The following NAV1 variants were observed in gnomAD, a reference collection of about 807,000 sequenced individuals.
The protein encoded by NAV1 is pore membrane and/or filament interacting like protein 3.
NAV1 carries 18 observed loss-of-function variants against 175.2 expected under a neutral mutation model. That is an observed-to-expected ratio of 0.10 (90% confidence interval 0.07 to 0.15). NAV1 has a LOEUF of 0.15. Ranked by LOEUF, NAV1 falls within the 10% of genes least tolerant of loss-of-function variation. The pLI is 1.00. For synonymous variants in NAV1, 897 were observed against 978.7 expected (o/e 0.92, Z 1.56); for missense variants, 1,731 against 2,436.6 (o/e 0.71, Z 6.10).
intron 1 of NAV1, among the ~76,000 whole-genome samples, chr1:201,579,154 T>C (rs1011140496): frequency 6.6e-6 from 1 of 151,836 alleles, no homozygotes; most frequent in African/African-American, 2.4e-5. Context: ...AAATGTTCTG[T>C]CTTTCTGGGC....
intron 2 of NAV1, among the ~76,000 whole-genome samples, chr1:201,597,666 G>A (rs988274881): frequency 6.6e-6 from 1 of 152,224 alleles, no homozygotes; most frequent in East Asian, 1.9e-4. Context: ...AAGCTGGGAG[G>A]ACCTGAGGCA....
intron 3 of NAV1, among the ~76,000 whole-genome samples, chr1:201,742,321 A>G (rs1208652214): frequency 6.6e-6 from 1 of 152,168 alleles, no homozygotes; most frequent in Non-Finnish European, 1.5e-5. Context: ...ATGTGAGGGT[A>G]TTTGGGTGAA....
At chr1:201,588,593 T>G (rs570104660) in exon 2 of NAV1, among the ~76,000 whole-genome samples, 48 of 150,850 alleles carry the variant, frequency 3.2e-4, no homozygotes, top group Non-Finnish European at 5.2e-4. Flanking sequence ...CCTCAAGTGA[T>G]CCTCCCACCT....
rs142059764 is a variant in NAV1, at chr1:201,805,366, A to G, written c.3648+869A>G. On this transcript the variant is annotated intron_variant, in intron 17 of 29. Coordinates refer to ENST00000367296, the Ensembl canonical transcript of NAV1. ...ACAGTGATTACTATAGGCAGGGAAG[A>G]CTTCTCAAAGGAGGTAAAAGTTAAA... Among the ~76,000 whole-genome samples the G allele has an allele frequency of 5.9e-5, 9 of 152,300 alleles. No homozygotes were observed. In the East Asian group the frequency reaches 1.7e-3, roughly 29 times the overall value.
intron 2 of NAV1, among the ~76,000 whole-genome samples, chr1:201,637,446 G>A (rs928739022): frequency 3.3e-5 from 5 of 152,170 alleles, no homozygotes; most frequent in Middle Eastern, 3.2e-3. Context: ...AGATTAAGAA[G>A]TTCTGTTCTA....
intron 2 of NAV1, among the ~76,000 whole-genome samples, chr1:201,616,403 G>T (rs1204910019): frequency 1.3e-5 from 2 of 151,990 alleles, no homozygotes; most frequent in Non-Finnish European, 2.9e-5. Flanking sequence ...CAACCTGACT[G>T]CTCTTCCTAA....
chr1:201,780,381 T>G (rs778719560), intron 3 of NAV1, 40 bp from the exon 8 acceptor site: 9 of 1,610,530 alleles, frequency 5.6e-6, no homozygotes, highest in Non-Finnish European at 7.6e-6. Flanking sequence ...TGCCTGGGCT[T>G]CTGTTTTAAC....
intron 3 of NAV1, among the ~76,000 whole-genome samples, chr1:201,767,764 T>C (rs1287467773): frequency 6.6e-6 from 1 of 152,198 alleles, no homozygotes; most frequent in Non-Finnish European, 1.5e-5. Context: ...CATCACTTGC[T>C]AATTTTCTCA....
At chr1:201,824,391 G>T (rs1434662311) in exon 30 of NAV1, 1 of 152,078 alleles carries the variant, frequency 6.6e-6, no homozygotes, top group Non-Finnish European at 1.5e-5. Context: ...AAAGCCTGAA[G>T]ATATTGCCCC....
intron 1 of NAV1, among the ~76,000 whole-genome samples, chr1:201,680,887 C>T (rs978295132): frequency 3.3e-5 from 5 of 152,176 alleles, no homozygotes; most frequent in South Asian, 4.1e-4. Flanking sequence ...GTGATCGCAA[C>T]GCCACACTTC....
chr1:201,550,905 C>T (rs1320684348), intron 1 of NAV1, among the ~76,000 whole-genome samples: 1 of 152,226 alleles, frequency 6.6e-6, no homozygotes, highest in Non-Finnish European at 1.5e-5. Context: ...ACTGAAGTTC[C>T]ATAACCTAAA....
intron 3 of NAV1, among the ~76,000 whole-genome samples, chr1:201,778,764 C>T (rs1676112450): frequency 6.6e-6 from 1 of 152,224 alleles, no homozygotes; most frequent in African/African-American, 2.4e-5. Context: ...ATTCCCAGCA[C>T]ATGAATTAGA....
chr1:201,725,591 G>T (rs1187602600), intron 3 of NAV1, among the ~76,000 whole-genome samples: 1 of 149,872 alleles, frequency 6.7e-6, no homozygotes, highest in African/African-American at 2.5e-5. Flanking sequence ...GGGGGCTACA[G>T]TGAGCTATGA....
intron 3 of NAV1, among the ~76,000 whole-genome samples, chr1:201,726,298 G>C (rs84214): frequency 0.86 from 131,519 of 152,194 alleles, 57,465 homozygotes; most frequent in Middle Eastern, 0.92. Flanking sequence ...AGGATCAAAT[G>C]GAAAAGAATA....
rs1558023415 is a variant in NAV1 at position 201,623,221 on chromosome 1, A to G, written c.-486A>G. On this transcript the variant is annotated 5_prime_UTR_variant, in exon 1 of 30. Coordinates refer to the NAV1 transcript ENST00000367302. The stretch of plus-strand genomic sequence containing the variant: ...GACAACCCCGAAAGCAGCCCTCTCC[A>G]GCCGGGCTGGATCCGGAAGAATTGG... 3.0e-6 allele frequency: 3 copies of G among 985,952 alleles called. No individual in the cohort carries two copies. The African/African-American group carries it at 5.2e-5, about 17-fold the overall frequency. 61.1% of individuals were successfully genotyped at this position (985,952 alleles called of 1,614,324 possible).
At chr1:201,754,591 G>A (rs1274395501) in intron 3 of NAV1, among the ~76,000 whole-genome samples, 1 of 152,198 alleles carries the variant, frequency 6.6e-6, no homozygotes, top group Non-Finnish European at 1.5e-5. Flanking sequence ...GAGGCGATGA[G>A]TGTAGTAGTT....
chr1:201,660,245 G>A (rs1427736658), intron 1 of NAV1, among the ~76,000 whole-genome samples: 3 of 152,244 alleles, frequency 2.0e-5, no homozygotes, highest in Non-Finnish European at 4.4e-5. Context: ...CACTGCCACA[G>A]TGGATGGCAG....
chr1:201,753,297 C>A (rs1674248452), intron 3 of NAV1, among the ~76,000 whole-genome samples: 1 of 152,146 alleles, frequency 6.6e-6, no homozygotes, highest in Admixed American at 6.5e-5. Context: ...AACTGCATTG[C>A]ATATTTCATA....
chr1:201,700,748 AC>A (rs1671380793), intron 1 of NAV1, among the ~76,000 whole-genome samples: 1 of 152,190 alleles, frequency 6.6e-6, no homozygotes, highest in Non-Finnish European at 1.5e-5. Flanking sequence ...GCAATGGCTC[AC>A]GCCTGTAATC....
Sources: allele counts gnomAD v4.1 joint callset (sites outside exome capture counted in the v4.1 genomes callset), GRCh38; gene constraint gnomAD v4.1.1; transcripts MANE v1.5; gene names NCBI Gene and HGNC (gene_info 2026-07-23, HGNC 2026-07-21).